Variants in PPP1R12A observed in about 807,000 individuals in gnomAD.
The protein encoded by PPP1R12A is myosin binding subunit.
Under a neutral mutation model 139.6 loss-of-function variants are expected in PPP1R12A, and 19 were observed. The ratio of observed to expected loss-of-function variants is 0.14; its 90% CI spans 0.09 to 0.20. The LOEUF (loss-of-function observed/expected upper bound fraction) is 0.20. PPP1R12A is among the 10% of genes least tolerant of loss of function. The probability of loss-of-function intolerance (pLI) is 1.00; values close to 1 mark genes in which losing one functional copy is unlikely to be tolerated. For missense variants in PPP1R12A, 925 were observed against 1,211.5 expected, an observed-to-expected ratio of 0.76 and a Z score of 3.51; for synonymous variants, 427 against 420.6, an observed-to-expected ratio of 1.02 and a Z score of -0.19.
At chr12:79,908,487 T>C (rs753957871) in intron 1 of PPP1R12A, among the ~76,000 whole-genome samples, 4 of 152,174 alleles carry the variant, frequency 2.6e-5, no homozygotes, top group South Asian at 2.1e-4. Flanking sequence ...CTTTAAAACA[T>C]AGAAGTTCTA....
In PPP1R12A at chr12:79,829,330, C is replaced by G. The variant is rs78823062; in HGVS notation, c.648-866G>C. 2.7e-3 allele frequency among the ~76,000 whole-genome samples: 411 copies of G among 152,186 alleles called. 2 individuals are homozygous for G. Among genetic ancestry groups the G allele is most frequent in the African/African-American group, 9.6e-3 (397 of 41,562 alleles). On this transcript the variant is annotated intron_variant, in intron 4 of 24. Coordinates refer to ENST00000450142, the MANE Select transcript of PPP1R12A (RefSeq NM_002480.3). ...TCCAAGATGTTGAGCTTGAGAAGGA[C>G]CTTCTTTTTACCTACAGGAGGTGGT...
chr12:79,906,427 A>G (rs1886121843), intron 1 of PPP1R12A, among the ~76,000 whole-genome samples: 1 of 152,018 alleles, frequency 6.6e-6, no homozygotes, highest in Admixed American at 6.6e-5. Flanking sequence ...GCTGACAGTA[A>G]TTTTTTCTCT....
At chr12:79,853,457 T>G (rs181742033) in intron 2 of PPP1R12A, among the ~76,000 whole-genome samples, 56 of 152,300 alleles carry the variant, frequency 3.7e-4, no homozygotes, top group Non-Finnish European at 5.3e-4. Context: ...ATATTCAGAG[T>G]TTTTAGTTGT....
intron 2 of PPP1R12A, among the ~76,000 whole-genome samples, chr12:79,855,927 A>G (rs1880604614): frequency 6.6e-6 from 1 of 152,156 alleles, no homozygotes; most frequent in African/African-American, 2.4e-5. Context: ...AACAGTAAAA[A>G]AAAAAACACA....
chr12:79,864,137 GTC>G (rs1490392085), intron 2 of PPP1R12A, among the ~76,000 whole-genome samples: 2 of 152,074 alleles, frequency 1.3e-5, no homozygotes, highest in African/African-American at 4.8e-5. Flanking sequence ...ACAACAAACT[GTC>G]TCTCAGACCA....
At chr12:79,907,690 G>A (rs1326270050) in intron 1 of PPP1R12A, among the ~76,000 whole-genome samples, 1 of 152,206 alleles carries the variant, frequency 6.6e-6, no homozygotes, top group East Asian at 1.9e-4. Flanking sequence ...CTTGAGGCCA[G>A]CAGTTCAAGA....
chr12:79,781,505 C>T (rs905884277), intron 23 of PPP1R12A, among the ~76,000 whole-genome samples: 8 of 151,736 alleles, frequency 5.3e-5, no homozygotes, highest in African/African-American at 1.5e-4. Flanking sequence ...AAGAGATAAA[C>T]GGCATTTCAA....
At chr12:79,912,301 C>T (rs1886635808) in intron 1 of PPP1R12A, among the ~76,000 whole-genome samples, 1 of 152,304 alleles carries the variant, frequency 6.6e-6, no homozygotes, top group Non-Finnish European at 1.5e-5. Flanking sequence ...TGCATTGATA[C>T]ATTTAATGAG....
At position 79,832,323 on chromosome 12, in the gene PPP1R12A, A is replaced by C. The variant is rs1877533543; in HGVS notation, c.647+9T>G. 6.3e-7 allele frequency: 1 copy of C among 1,590,812 alleles called. No individual in the cohort carries two copies. The highest frequency in any genetic ancestry group is 8.5e-7 in the Non-Finnish European group (1 of 1,172,538). On this transcript the variant is annotated intron_variant, in intron 4 of 24. Coordinates refer to ENST00000450142, the MANE Select transcript of PPP1R12A (RefSeq NM_002480.3). ...AAAATAGAAAAACTCTGTAAAAAAC[A>C]ATACTTACTTTAAAACTTCCGTATA...
At chr12:79,871,246 A>G (rs1164914314) in intron 2 of PPP1R12A, among the ~76,000 whole-genome samples, 1 of 152,190 alleles carries the variant, frequency 6.6e-6, no homozygotes, top group East Asian at 1.9e-4. Context: ...TAAATTGGGT[A>G]TTCTATCACT....
intron 1 of PPP1R12A, among the ~76,000 whole-genome samples, chr12:79,898,862 CTACT>C (rs1391322844): frequency 6.6e-6 from 1 of 152,144 alleles, no homozygotes; most frequent in African/African-American, 2.4e-5. Flanking sequence ...ATCCTAAGAT[CTACT>C]TAAATAAAAA....
chr12:79,847,709 T>G (rs1592708900), intron 2 of PPP1R12A, among the ~76,000 whole-genome samples: 1 of 152,240 alleles, frequency 6.6e-6, no homozygotes, highest in South Asian at 2.1e-4. Flanking sequence ...CTGTGGTAGG[T>G]CCTGTAACAG....
chr12:79,873,393 C>T (rs1376235471), intron 1 of PPP1R12A, among the ~76,000 whole-genome samples: 1 of 151,494 alleles, frequency 6.6e-6, no homozygotes, highest in East Asian at 1.9e-4. Flanking sequence ...TATAAAAGTA[C>T]CAGCTGTAAA....
rs1872720238 is a variant in PPP1R12A, at chr12:79,798,405, A to G, written c.2091+89T>C. 5.0e-6 allele frequency: 4 copies of G among 801,996 alleles called. No homozygotes were observed. The African/African-American group carries it at 6.9e-5, about 14-fold the overall frequency. The allele number at this position is 801,996 out of a possible 1,614,324, so 49.7% of individuals were successfully genotyped here. On this transcript the variant is annotated intron_variant, in intron 15 of 24. Transcript: ENST00000450142. ...ATATTTTCACAACAAAGTGAAAAAG[A>G]GAAAGGTAACTTGTTTTATGTCAGT...
chr12:79,922,506 C>G (rs1335388943), intron 1 of PPP1R12A, among the ~76,000 whole-genome samples: 2 of 152,084 alleles, frequency 1.3e-5, no homozygotes, highest in African/African-American at 4.8e-5. Flanking sequence ...GGAATACAGT[C>G]ATAAAAAAGA....
chr12:79,792,458 C>T (rs1872001155), intron 19 of PPP1R12A, among the ~76,000 whole-genome samples: 1 of 152,114 alleles, frequency 6.6e-6, no homozygotes, highest in Admixed American at 6.5e-5. Context: ...ACTTAGGTTT[C>T]ATATTGTTAT....
At chr12:79,846,596 A>ATT (rs74933339) in intron 2 of PPP1R12A, among the ~76,000 whole-genome samples, 4 of 127,720 alleles carry the variant, frequency 3.1e-5, no homozygotes, top group East Asian at 2.2e-4. Context: ...CGCGTGGCTC[A>ATT]TTTTTTTTTT....
At chr12:79,833,648 C>A (rs2596790) in intron 3 of PPP1R12A, among the ~76,000 whole-genome samples, 30,479 of 141,398 alleles carry the variant, frequency 0.22, 5,702 homozygotes, top group African/African-American at 0.51. Context: ...AAAATGGTGA[C>A]ACCCCGTCTC....
intron 1 of PPP1R12A, chr12:79,914,000 A>T (rs1317407628): frequency 1.3e-5 from 2 of 152,176 alleles, no homozygotes; most frequent in Admixed American, 1.3e-4. Flanking sequence ...TAAGACATTT[A>T]AAAAAATTTC....
Sources: allele counts gnomAD v4.1 joint callset (sites outside exome capture counted in the v4.1 genomes callset), GRCh38; gene constraint gnomAD v4.1.1; transcripts MANE v1.5; gene names NCBI Gene and HGNC (gene_info 2026-07-23, HGNC 2026-07-21).